ADGRF5: variants seen among roughly 807,000 people sequenced by gnomAD.
The protein encoded by ADGRF5 is adhesion G protein-coupled receptor F5.
A neutral mutation model predicts 132.3 loss-of-function variants in ADGRF5; 75 were observed. That is an observed-to-expected ratio of 0.57 (90% CI 0.47 to 0.69). The LOEUF (loss-of-function observed/expected upper bound fraction) is 0.69. Ranked by LOEUF, ADGRF5 falls within the 30% of genes least tolerant of loss-of-function variation. The pLI, the probability that ADGRF5 is intolerant of heterozygous loss-of-function variation, is 0.00. For missense variants in ADGRF5, 1,516 were observed against 1,630.6 expected (o/e 0.93, Z 1.21); for synonymous variants, 629 against 597.6 (o/e 1.05, Z -0.77).
intron 4 of ADGRF5, among the ~76,000 whole-genome samples, chr6:46,886,372 A>G (rs573092167): frequency 6.6e-6 from 1 of 152,218 alleles, no homozygotes; most frequent in Non-Finnish European, 1.5e-5. Context: ...TAATTTGAGG[A>G]TAGCCAACAG....
intron 11 of ADGRF5, chr6:46,870,778 A>G: frequency 2.4e-6 from 1 of 418,572 alleles, no homozygotes; most frequent in Non-Finnish European, 4.8e-6. Flanking sequence ...TTGTGGATAG[A>G]GGTAAAGTTA....
intron 20 of ADGRF5, among the ~76,000 whole-genome samples, chr6:46,855,184 A>G (rs568488537): frequency 2.0e-5 from 3 of 152,292 alleles, no homozygotes; most frequent in Non-Finnish European, 4.4e-5. Context: ...TTAACTGTGA[A>G]TATTTTTTTT....
intron 14 of ADGRF5, among the ~76,000 whole-genome samples, chr6:46,863,539 C>T (rs1770037467): frequency 6.6e-6 from 1 of 152,182 alleles, no homozygotes; most frequent in Non-Finnish European, 1.5e-5. Context: ...AGTAGGAACT[C>T]TAGGTACCCA....
intron 3 of ADGRF5, among the ~76,000 whole-genome samples, chr6:46,898,382 T>C (rs962499200): frequency 1.3e-5 from 2 of 152,192 alleles, no homozygotes; most frequent in Non-Finnish European, 2.9e-5. Context: ...TTTGTTCCTG[T>C]CATAGAGTGC....
At chr6:46,940,170 G>A (rs778988371) in intron 1 of ADGRF5, among the ~76,000 whole-genome samples, 4 of 152,308 alleles carry the variant, frequency 2.6e-5, no homozygotes, top group Admixed American at 6.5e-5. Context: ...CTTTGAGACT[G>A]AGTGTGCACG....
intron 1 of ADGRF5, among the ~76,000 whole-genome samples, chr6:46,914,669 AG>A (rs1293287374): frequency 6.6e-6 from 1 of 151,740 alleles, no homozygotes; most frequent in Non-Finnish European, 1.5e-5. Flanking sequence ...TTTAAGCAAA[AG>A]ATTGCCATCT....
At chr6:46,915,016 C>T (rs553914863) in intron 1 of ADGRF5, among the ~76,000 whole-genome samples, 5 of 151,710 alleles carry the variant, frequency 3.3e-5, no homozygotes, top group African/African-American at 4.8e-5. Context: ...CCACCATGCC[C>T]GGCTGATTTT....
At chr6:46,881,977 G>A in intron 7 of ADGRF5, 72 bp downstream of exon 7, 1 of 1,110,860 alleles carries the variant, frequency 9.0e-7, no homozygotes, top group Non-Finnish European at 1.4e-6. Flanking sequence ...GCCTCTCTAG[G>A]GGGTTTACCT....
At chr6:46,899,462 A>C (rs1358429669) in intron 3 of ADGRF5, among the ~76,000 whole-genome samples, 1 of 152,148 alleles carries the variant, frequency 6.6e-6, no homozygotes, top group Non-Finnish European at 1.5e-5. Context: ...GGGTCCACTC[A>C]GGATGGGATT....
chr6:46,878,116 T>C (rs1332454626), intron 10 of ADGRF5, 86 bp downstream of exon 10: 1 of 849,928 alleles, frequency 1.2e-6, no homozygotes, highest in East Asian at 2.5e-5. Context: ...CATCTGACAT[T>C]TCCCCTTCCA....
chr6:46,899,815 G>A (rs1236217621), intron 3 of ADGRF5, among the ~76,000 whole-genome samples: 1 of 151,944 alleles, frequency 6.6e-6, no homozygotes, highest in South Asian at 2.1e-4. Flanking sequence ...GCAATGGGGA[G>A]GGAAGGAGGG....
At chr6:46,869,897 A>G (rs1770859066) in intron 11 of ADGRF5, among the ~76,000 whole-genome samples, 1 of 152,138 alleles carries the variant, frequency 6.6e-6, no homozygotes, top group Non-Finnish European at 1.5e-5. Flanking sequence ...TACTCCTCTA[A>G]GAAGCTTCTC....
At chr6:46,876,119 T>C (rs1011965292) in intron 10 of ADGRF5, among the ~76,000 whole-genome samples, 5 of 152,206 alleles carry the variant, frequency 3.3e-5, no homozygotes, top group African/African-American at 1.2e-4. Flanking sequence ...TTAGTAGAAC[T>C]TGTGGAATTT....
intron 1 of ADGRF5, among the ~76,000 whole-genome samples, chr6:46,911,327 A>C (rs912221316): frequency 6.6e-6 from 1 of 152,244 alleles, no homozygotes; most frequent in Non-Finnish European, 1.5e-5. Flanking sequence ...TCATAAGTTA[A>C]AATAGTGCAA....
upstream of ADGRF5, among the ~76,000 whole-genome samples, chr6:46,922,537 G>A (rs1777029353): frequency 6.6e-6 from 1 of 152,180 alleles, no homozygotes; most frequent in Non-Finnish European, 1.5e-5. Flanking sequence ...AGGCCTGGTT[G>A]GCAGGCTGCA....
intron 6 of ADGRF5, among the ~76,000 whole-genome samples, chr6:46,882,327 T>A (rs1341824140): frequency 6.6e-6 from 1 of 150,874 alleles, no homozygotes; most frequent in Non-Finnish European, 1.5e-5. Flanking sequence ...GTGCAAAAAA[T>A]TTACTCAGGG....
At chr6:46,905,532 A>G (rs963555128) in intron 2 of ADGRF5, 9 of 152,202 alleles carry the variant, frequency 5.9e-5, no homozygotes, top group African/African-American at 2.2e-4. Context: ...TAAAAGAAAA[A>G]AAAATCAAAC....
intron 10 of ADGRF5, among the ~76,000 whole-genome samples, chr6:46,877,275 CTTTCTTTCTTTCTT>C (rs1161473366): frequency 0.021 from 1,009 of 47,240 alleles, 11 homozygotes; most frequent in Middle Eastern, 0.026. Context: ...TTCTTTCTTT[CTTTCTTTCTTTCTT>C]TCTCTCTCTC....
chr6:46,897,273 T>C (rs1356482321), intron 3 of ADGRF5, among the ~76,000 whole-genome samples: 1 of 151,908 alleles, frequency 6.6e-6, no homozygotes, highest in African/African-American at 2.4e-5. Context: ...ATTGATCCTA[T>C]CTTTAAAGAT....
Sources: allele counts gnomAD v4.1 joint callset (sites outside exome capture counted in the v4.1 genomes callset), GRCh38; gene constraint gnomAD v4.1.1; transcripts MANE v1.5; gene names NCBI Gene and HGNC (gene_info 2026-07-23, HGNC 2026-07-21).